Variants in SYCP1 observed in about 807,000 individuals in gnomAD.
The protein encoded by SYCP1 is synaptonemal complex protein 1, also known as cancer/testis antigen 8.
In SYCP1, 64 loss-of-function variants were observed where a neutral mutation model predicts 153.1. That is an observed-to-expected ratio of 0.42 (90% CI 0.34 to 0.51). The LOEUF (loss-of-function observed/expected upper bound fraction) is 0.51. SYCP1 is among the 20% of genes least tolerant of loss of function. SYCP1 has a pLI of 0.06. For missense variants in SYCP1, 997 were observed against 1,049.0 expected, an observed-to-expected ratio of 0.95 and a Z score of 0.68; for synonymous variants, 384 against 341.8, an observed-to-expected ratio of 1.12 and a Z score of -1.36.
At chr1:114,908,812 A>G (rs1056782245) in intron 16 of SYCP1, among the ~76,000 whole-genome samples, 5 of 152,154 alleles carry the variant, frequency 3.3e-5, no homozygotes, top group African/African-American at 1.2e-4. Context: ...AAGTTCTCAC[A>G]TCTTGGTTAT....
At position 114,965,685 on chromosome 1, in the gene SYCP1, G is replaced by A. The variant is rs150761298; in HGVS notation, c.2323-11872G>A. ...ATTGATTTGCATATGTTGAACCAGC[G>A]TTGCATCCCAGGAATTGATCGCGGT... On this transcript the variant is annotated intron_variant, in intron 27 of 31. Coordinates refer to ENST00000369522, the MANE Select transcript of SYCP1 (RefSeq NM_003176.4). Among the ~76,000 whole-genome samples the A allele has an allele frequency of 1.7e-3, 256 of 151,868 alleles. 2 individuals carry two copies. Among genetic ancestry groups the A allele is most frequent in the Middle Eastern group, 6.8e-3 (2 of 294 alleles).
At chr1:114,907,485 G>A (rs1463422144) in intron 16 of SYCP1, among the ~76,000 whole-genome samples, 2 of 151,386 alleles carry the variant, frequency 1.3e-5, no homozygotes, top group South Asian at 2.1e-4. Context: ...ATACTTCTCT[G>A]CATTTATTTT....
intron 20 of SYCP1, among the ~76,000 whole-genome samples, chr1:114,919,495 A>G (rs1295684134): frequency 6.6e-6 from 1 of 151,938 alleles, no homozygotes; most frequent in Non-Finnish European, 1.5e-5. Flanking sequence ...TGGCTTTGGT[A>G]TCAGGGTAAT....
At chr1:114,968,668 C>T (rs1363742715) in intron 27 of SYCP1, among the ~76,000 whole-genome samples, 1 of 152,128 alleles carries the variant, frequency 6.6e-6, no homozygotes, top group Non-Finnish European at 1.5e-5. Flanking sequence ...CTTCTGAAGC[C>T]TACTTCTGTC....
chr1:114,868,593 C>A (rs1403394312), intron 8 of SYCP1, among the ~76,000 whole-genome samples: 3 of 152,192 alleles, frequency 2.0e-5, no homozygotes, highest in Non-Finnish European at 4.4e-5. Flanking sequence ...ATTCCCTCTG[C>A]TTCTATCTTC....
chr1:114,972,065 G>T (rs1215321428), intron 27 of SYCP1, among the ~76,000 whole-genome samples: 4 of 152,026 alleles, frequency 2.6e-5, no homozygotes, highest in Non-Finnish European at 1.5e-5. Context: ...TCTTTGCTGG[G>T]AGACTTTTTA....
intron 21 of SYCP1, among the ~76,000 whole-genome samples, chr1:114,925,982 G>A (rs1003082479): frequency 6.6e-6 from 1 of 151,838 alleles, no homozygotes; most frequent in East Asian, 1.9e-4. Context: ...TTTAAAAAAA[G>A]AGATACTGAG....
At chr1:114,962,526 C>T (rs566579833) in intron 27 of SYCP1, among the ~76,000 whole-genome samples, 2 of 152,224 alleles carry the variant, frequency 1.3e-5, no homozygotes, top group African/African-American at 4.8e-5. Context: ...TTTTTCCACC[C>T]CTTTACCTTA....
chr1:114,986,190 G>A (rs1673493512), intron 30 of SYCP1, among the ~76,000 whole-genome samples: 1 of 151,912 alleles, frequency 6.6e-6, no homozygotes, highest in Non-Finnish European at 1.5e-5. Context: ...TTACAGATGA[G>A]GAAACTGAGT....
chr1:114,870,357 C>A (rs566784140), intron 8 of SYCP1, among the ~76,000 whole-genome samples: 1 of 152,234 alleles, frequency 6.6e-6, no homozygotes, highest in East Asian at 1.9e-4. Flanking sequence ...GACAACTTTC[C>A]TTGCTTTGAA....
At chr1:114,950,392 G>A (rs1671017189) in intron 27 of SYCP1, among the ~76,000 whole-genome samples, 1 of 151,956 alleles carries the variant, frequency 6.6e-6, no homozygotes, top group Non-Finnish European at 1.5e-5. Flanking sequence ...ATTGATATAA[G>A]GATTTATTGT....
intron 27 of SYCP1, among the ~76,000 whole-genome samples, chr1:114,969,574 G>T (rs1429488069): frequency 1.3e-5 from 2 of 152,206 alleles, no homozygotes; most frequent in Admixed American, 6.5e-5. Context: ...ATCTTAGCTT[G>T]TTGGGCTCCA....
intron 21 of SYCP1, among the ~76,000 whole-genome samples, 196 bp from the exon 22 acceptor site, chr1:114,926,080 AGT>A (rs1482599300): frequency 6.6e-6 from 1 of 152,080 alleles, no homozygotes; most frequent in African/African-American, 2.4e-5. Flanking sequence ...TGGAAGTTGC[AGT>A]GAGCTATGAT....
intron 20 of SYCP1, among the ~76,000 whole-genome samples, chr1:114,921,146 A>AT (rs879919014): frequency 6.6e-6 from 1 of 151,096 alleles, no homozygotes; most frequent in Non-Finnish European, 1.5e-5. Context: ...TATTTGTTGT[A>AT]TTTTTTTTAT....
chr1:114,939,520 T>C (rs1367141072), intron 23 of SYCP1, among the ~76,000 whole-genome samples: 2 of 152,192 alleles, frequency 1.3e-5, no homozygotes, highest in Non-Finnish European at 2.9e-5. Flanking sequence ...ATATGCTGAA[T>C]GAATAACCTA....
At chr1:114,910,170 C>A in intron 16 of SYCP1, 1 of 282,162 alleles carries the variant, frequency 3.5e-6, no homozygotes, top group South Asian at 6.9e-5. Flanking sequence ...AGAAATTAAT[C>A]ATCTGTAACT....
intron 27 of SYCP1, among the ~76,000 whole-genome samples, chr1:114,955,651 C>T (rs1197493804): frequency 1.3e-5 from 2 of 152,192 alleles, no homozygotes; most frequent in Non-Finnish European, 2.9e-5. Context: ...AATTCTGCAC[C>T]TATCCAGTCA....
chr1:114,948,783 A>G (rs1195500099), intron 27 of SYCP1, among the ~76,000 whole-genome samples: 2 of 152,142 alleles, frequency 1.3e-5, no homozygotes, highest in South Asian at 4.2e-4. Context: ...CTTTCCCTTC[A>G]TCTGCAATAA....
chr1:114,881,231 G>A (rs1365828501), intron 12 of SYCP1, among the ~76,000 whole-genome samples: 2 of 151,608 alleles, frequency 1.3e-5, no homozygotes, highest in South Asian at 2.1e-4. Flanking sequence ...TATTTATTTC[G>A]TTTTACCCAT....
Sources: allele counts gnomAD v4.1 joint callset (sites outside exome capture counted in the v4.1 genomes callset), GRCh38; gene constraint gnomAD v4.1.1; transcripts MANE v1.5; gene names NCBI Gene and HGNC (gene_info 2026-07-23, HGNC 2026-07-21).